MDGA2: variants seen among roughly 807,000 people sequenced by gnomAD.
MDGA2 encodes the protein MAM domain containing glycosylphosphatidylinositol anchor 2.
In MDGA2, 40 loss-of-function variants were observed where a neutral mutation model predicts 117.8. That is an observed-to-expected ratio of 0.34 (90% CI 0.26 to 0.44). The LOEUF is 0.44. Among genes scored for constraint, MDGA2 ranks in the 20% least tolerant of loss-of-function variants. The probability of loss-of-function intolerance (pLI) is 1.00; values close to 1 mark genes in which losing one functional copy is unlikely to be tolerated. For synonymous variants in MDGA2, 452 were observed against 439.0 expected (o/e 1.03, Z -0.37); for missense variants, 1,123 against 1,250.6 (o/e 0.90, Z 1.54).
intron 16 of MDGA2, among the ~76,000 whole-genome samples, chr14:46,843,978 G>T (rs1213751356): frequency 6.6e-6 from 1 of 152,112 alleles, no homozygotes; most frequent in East Asian, 1.9e-4. Flanking sequence ...AATGATTTTA[G>T]ATTTCATAGC....
At chr14:47,210,813 A>C (rs1885854314) in intron 3 of MDGA2, among the ~76,000 whole-genome samples, 1 of 152,078 alleles carries the variant, frequency 6.6e-6, no homozygotes, top group African/African-American at 2.4e-5. Flanking sequence ...GAGGCCAGGC[A>C]TTTGAGACCA....
chr14:47,624,845 C>T (rs1229749993), intron 1 of MDGA2, among the ~76,000 whole-genome samples: 2 of 152,262 alleles, frequency 1.3e-5, no homozygotes, highest in East Asian at 3.9e-4. Flanking sequence ...GTATGTCAGG[C>T]ACCCCATTAA....
intron 1 of MDGA2, among the ~76,000 whole-genome samples, chr14:47,372,273 C>CA (rs950488880): frequency 2.4e-4 from 36 of 150,358 alleles, no homozygotes; most frequent in Admixed American, 2.0e-3. Flanking sequence ...ACAATAATGG[C>CA]AAAAAACAAA....
chr14:47,439,154 T>C (rs1268461471), intron 1 of MDGA2, among the ~76,000 whole-genome samples: 4 of 152,134 alleles, frequency 2.6e-5, no homozygotes, highest in Non-Finnish European at 5.9e-5. Flanking sequence ...GAGAAGTTAT[T>C]CCAAACACAT....
chr14:46,943,866 C>A (rs950360623), intron 9 of MDGA2, among the ~76,000 whole-genome samples: 2 of 152,046 alleles, frequency 1.3e-5, no homozygotes, highest in African/African-American at 2.4e-5. Context: ...ACCTCTGTGG[C>A]TGTAGCATGA....
At chr14:47,662,864 A>C (rs1897876014) in intron 1 of MDGA2, among the ~76,000 whole-genome samples, 1 of 152,180 alleles carries the variant, frequency 6.6e-6, no homozygotes, top group Admixed American at 6.5e-5. Context: ...AAAGGGTTGC[A>C]CTTCCTTAGA....
intron 1 of MDGA2, among the ~76,000 whole-genome samples, chr14:47,334,609 C>A (rs946152858): frequency 6.6e-6 from 1 of 151,826 alleles, no homozygotes; most frequent in Non-Finnish European, 1.5e-5. Context: ...CTCTTAATAT[C>A]TTTAATTCTT....
intron 2 of MDGA2, among the ~76,000 whole-genome samples, chr14:47,295,247 G>A (rs766001398): frequency 2.5e-4 from 38 of 152,138 alleles, no homozygotes; most frequent in Non-Finnish European, 5.3e-4. Flanking sequence ...TTTGAACGGA[G>A]AAGGTCAGTA....
rs1180832509 is a variant in MDGA2, at chr14:46,929,649, A to ATTTTTTTTTT, written c.2090-9499_2090-9490dup. On this transcript the variant is annotated intron_variant, in intron 9 of 16. Coordinates refer to ENST00000399232, the MANE Select transcript of MDGA2 (RefSeq NM_001113498.3). The stretch of plus-strand genomic sequence containing the variant: ...TATATATATATATATATATATATAC[A>ATTTTTTTTTT]TTTTTTTTTTTTTTTTTTCGAGATG... Among the ~76,000 whole-genome samples the ATTTTTTTTTT allele has an allele frequency of 1.2e-3, 17 of 13,702 alleles. 1 individual carries two copies. Among genetic ancestry groups the ATTTTTTTTTT allele is most frequent in the Non-Finnish European group, 1.5e-3 (11 of 7,326 alleles). 9.0% of individuals were successfully genotyped at this position (13,702 alleles called of 152,430 possible).
chr14:47,537,659 T>C (rs145256696), intron 1 of MDGA2, among the ~76,000 whole-genome samples: 1 of 144,904 alleles, frequency 6.9e-6, no homozygotes, highest in South Asian at 2.3e-4. Context: ...ATGTGTCACA[T>C]TACTGTTTAA....
chr14:47,240,208 C>G (rs1886994655), intron 2 of MDGA2, among the ~76,000 whole-genome samples: 1 of 151,602 alleles, frequency 6.6e-6, no homozygotes, highest in South Asian at 2.1e-4. Flanking sequence ...CCAATCCCAG[C>G]TAATTTTTGT....
At chr14:46,889,719 C>T (rs1345495489) in intron 10 of MDGA2, among the ~76,000 whole-genome samples, 4 of 151,966 alleles carry the variant, frequency 2.6e-5, no homozygotes, top group Admixed American at 2.0e-4. Context: ...CTGACAGCTT[C>T]CCCAGAACTA....
chr14:47,398,387 T>C (rs757756596), intron 1 of MDGA2, among the ~76,000 whole-genome samples: 2 of 152,194 alleles, frequency 1.3e-5, no homozygotes, highest in Non-Finnish European at 2.9e-5. Context: ...TACTAACTTT[T>C]GCCTGTGAGA....
chr14:47,006,953 A>G (rs1266497021), intron 8 of MDGA2, among the ~76,000 whole-genome samples: 1 of 151,714 alleles, frequency 6.6e-6, no homozygotes. Context: ...ACTTTTTGAA[A>G]GCTAATTTAA....
At chr14:47,325,658 A>G (rs1296517277) in intron 1 of MDGA2, among the ~76,000 whole-genome samples, 2 of 152,180 alleles carry the variant, frequency 1.3e-5, no homozygotes, top group Non-Finnish European at 2.9e-5. Flanking sequence ...AGATGATTAG[A>G]AGTTTACTAG....
At chr14:47,279,695 C>T (rs1011328054) in intron 2 of MDGA2, among the ~76,000 whole-genome samples, 1 of 151,686 alleles carries the variant, frequency 6.6e-6, no homozygotes, top group Non-Finnish European at 1.5e-5. Flanking sequence ...ATTTTCATTC[C>T]TTTTTTATGT....
At chr14:47,619,122 C>T (rs978642153) in intron 1 of MDGA2, among the ~76,000 whole-genome samples, 70 of 130,052 alleles carry the variant, frequency 5.4e-4, no homozygotes, top group African/African-American at 1.1e-3. Context: ...TAATTACACA[C>T]ACACACACAC....
At chr14:47,174,745 A>C (rs913886222) in intron 3 of MDGA2, among the ~76,000 whole-genome samples, 1 of 152,208 alleles carries the variant, frequency 6.6e-6, no homozygotes, top group Non-Finnish European at 1.5e-5. Flanking sequence ...AGAGCCAGAA[A>C]AGCAAGAGCA....
intron 16 of MDGA2, 48 bp from the exon 17 acceptor site, chr14:46,842,067 C>A: frequency 7.8e-7 from 1 of 1,281,726 alleles, no homozygotes; most frequent in Non-Finnish European, 1.1e-6. Flanking sequence ...GAATAATAAG[C>A]ATTCCACGTA....
Sources: gnomAD v4.1 joint callset for allele counts (sites outside exome capture counted in the v4.1 genomes callset) on GRCh38, gnomAD v4.1.1 for gene constraint, MANE v1.5 for transcripts, NCBI Gene and HGNC (gene_info 2026-07-23, HGNC 2026-07-21) for gene names.